The following OLFM3 variants were observed in gnomAD, a reference collection of about 807,000 sequenced individuals.
The protein encoded by OLFM3 is olfactomedin 3, also known as noelin-3.
OLFM3 carries 20 observed loss-of-function variants against 48.6 expected under a neutral mutation model. That is an observed-to-expected ratio of 0.41 (90% CI 0.29 to 0.60). OLFM3 has a LOEUF of 0.60. Ranked by LOEUF, OLFM3 falls within the 20% of genes least tolerant of loss-of-function variation. The pLI is 0.28. For missense variants in OLFM3, 437 were observed against 544.3 expected (o/e 0.80, Z 1.96); for synonymous variants, 222 against 198.1 (o/e 1.12, Z -1.01).
intron 1 of OLFM3, among the ~76,000 whole-genome samples, chr1:101,901,578 G>C (rs1008353366): frequency 2.0e-5 from 3 of 152,038 alleles, no homozygotes; most frequent in African/African-American, 7.2e-5. Flanking sequence ...AAGTAGATTA[G>C]ATGCAGAAAT....
chr1:101,935,281 C>A (rs749080653), intron 1 of OLFM3, among the ~76,000 whole-genome samples: 1 of 145,910 alleles, frequency 6.9e-6, no homozygotes, highest in Non-Finnish European at 1.5e-5. Flanking sequence ...GGAGAAATTA[C>A]AAAGGGAACA....
chr1:101,830,943 G>C, intron 2 of OLFM3, 116 bp from the exon 3 acceptor site: 1 of 786,998 alleles, frequency 1.3e-6, no homozygotes, highest in South Asian at 1.8e-5. Flanking sequence ...TTCATAACTG[G>C]GTTCCCATAT....
intron 1 of OLFM3, among the ~76,000 whole-genome samples, chr1:101,861,344 GAGCCACCGTGC>G: frequency 6.6e-6 from 1 of 151,582 alleles, no homozygotes. Flanking sequence ...TTACAGGCAT[GAGCCACCGTGC>G]CCGGAGATTT....
intron 1 of OLFM3, among the ~76,000 whole-genome samples, chr1:101,858,385 A>G (rs764149838): frequency 2.2e-4 from 33 of 152,058 alleles, no homozygotes; most frequent in Admixed American, 9.2e-4. Context: ...GAGATCAGGA[A>G]CTAATGCAAT....
intron 1 of OLFM3, among the ~76,000 whole-genome samples, chr1:101,869,898 C>A (rs1657008387): frequency 6.6e-6 from 1 of 152,110 alleles, no homozygotes; most frequent in Non-Finnish European, 1.5e-5. Flanking sequence ...GAGGCCTCCC[C>A]AGCTTTGCAG....
chr1:101,875,132 G>A (rs952539553), intron 1 of OLFM3, among the ~76,000 whole-genome samples: 6 of 151,954 alleles, frequency 3.9e-5, no homozygotes, highest in African/African-American at 1.2e-4. Context: ...AAATGATTCT[G>A]TATAAACAGA....
chr1:101,937,505 T>C (rs2094410), intron 1 of OLFM3, among the ~76,000 whole-genome samples: 7,149 of 152,196 alleles, frequency 0.047, 561 homozygotes, highest in African/African-American at 0.16. Context: ...GCTGTACTTA[T>C]GACAGTGAAT....
At chr1:101,994,723 T>A (rs115558406) in intron 1 of OLFM3, among the ~76,000 whole-genome samples, 2,053 of 151,850 alleles carry the variant, frequency 0.014, 40 homozygotes, top group African/African-American at 0.046. Context: ...AAAGTTTTAA[T>A]ATTCTCTGTA....
rs1270440066 is a variant in OLFM3 at position 101,879,465 on chromosome 1, C to T, written c.70-42440G>A. ...GCTGGGCTCTATATCATTTCACCTTCCGTTTGTAAAAGATTTTGATTGATA... is the reference window on the plus strand; with the variant it reads ...GCTGGGCTCTATATCATTTCACCTTTCGTTTGTAAAAGATTTTGATTGATA... On this transcript the variant is annotated intron_variant, in intron 1 of 5. Coordinates refer to ENST00000370103, the MANE Select transcript of OLFM3 (RefSeq NM_058170.4). Among the ~76,000 whole-genome samples the T allele has an allele frequency of 2.0e-5, 3 of 151,910 alleles. No individual in the cohort carries two copies. The East Asian group carries it at 5.8e-4, about 30-fold the overall frequency.
intron 1 of OLFM3, among the ~76,000 whole-genome samples, chr1:101,969,122 A>G (rs1660704032): frequency 6.6e-6 from 1 of 152,108 alleles, no homozygotes; most frequent in Non-Finnish European, 1.5e-5. Context: ...CTGGATTACA[A>G]ACTAACTAAA....
chr1:101,869,817 T>C (rs2100974405), intron 1 of OLFM3, among the ~76,000 whole-genome samples: 1 of 152,234 alleles, frequency 6.6e-6, no homozygotes, highest in South Asian at 2.1e-4. Context: ...CCATCTGGTG[T>C]TTTCTCTCTC....
chr1:101,896,052 A>G (rs1403533321), intron 1 of OLFM3, among the ~76,000 whole-genome samples: 4 of 151,596 alleles, frequency 2.6e-5, no homozygotes. Context: ...AATAAAATAT[A>G]CACGTACAAA....
chr1:101,850,871 G>T (rs1162858800), intron 1 of OLFM3, among the ~76,000 whole-genome samples: 1 of 152,002 alleles, frequency 6.6e-6, no homozygotes, highest in Non-Finnish European at 1.5e-5. Flanking sequence ...ATTAGATATA[G>T]TTGTAAAGGT....
chr1:101,838,731 C>T (rs1335442730), intron 1 of OLFM3, among the ~76,000 whole-genome samples: 2 of 152,194 alleles, frequency 1.3e-5, no homozygotes, highest in Non-Finnish European at 2.9e-5. Flanking sequence ...CCGCCTGCCT[C>T]AGCCTCCCAA....
intron 4 of OLFM3, among the ~76,000 whole-genome samples, chr1:101,808,322 T>A (rs1466761124): frequency 6.6e-6 from 1 of 151,718 alleles, no homozygotes; most frequent in Non-Finnish European, 1.5e-5. Context: ...GAAGAAGTTT[T>A]AACCAATTTC....
intron 1 of OLFM3, among the ~76,000 whole-genome samples, chr1:101,940,620 G>A (rs899693573): frequency 6.6e-6 from 1 of 151,544 alleles, no homozygotes; most frequent in Admixed American, 6.6e-5. Context: ...ATGGGTATGT[G>A]TGGTGGGTGG....
chr1:101,889,323 T>TA (rs1313259928), intron 1 of OLFM3, among the ~76,000 whole-genome samples: 1 of 152,054 alleles, frequency 6.6e-6, no homozygotes, highest in Non-Finnish European at 1.5e-5. Context: ...TATGCATCCA[T>TA]AAAAAAGGAT....
At chr1:101,861,414 T>C (rs1184729034) in intron 1 of OLFM3, among the ~76,000 whole-genome samples, 1 of 152,236 alleles carries the variant, frequency 6.6e-6, no homozygotes, top group African/African-American at 2.4e-5. Context: ...GATAACTGCA[T>C]CACTGGCTGC....
chr1:101,944,700 C>T (rs1360629250), intron 1 of OLFM3, among the ~76,000 whole-genome samples: 1 of 151,756 alleles, frequency 6.6e-6, no homozygotes, highest in Non-Finnish European at 1.5e-5. Flanking sequence ...GTCAACATGG[C>T]GAAACCCCAT....
Sources: gnomAD v4.1 joint callset for allele counts (sites outside exome capture counted in the v4.1 genomes callset) on GRCh38, gnomAD v4.1.1 for gene constraint, MANE v1.5 for transcripts, NCBI Gene and HGNC (gene_info 2026-07-23, HGNC 2026-07-21) for gene names.